TMEM114: variants seen among roughly 807,000 people sequenced by gnomAD.
TMEM114 encodes transmembrane protein 114.
TMEM114 carries 6 observed loss-of-function variants against 6.2 expected under a neutral mutation model. That is an observed-to-expected ratio of 0.97 (90% CI 0.53 to 1.91). TMEM114 has a LOEUF of 1.91. Among genes scored for constraint, TMEM114 ranks in the 40% most tolerant of loss-of-function variants. The pLI, the probability that TMEM114 is intolerant of heterozygous loss-of-function variation, is 0.01. For synonymous variants in TMEM114, 104 were observed against 73.0 expected (o/e 1.42, Z -2.16); for missense variants, 218 against 158.3 (o/e 1.38, Z -2.02).
intron 2 of TMEM114, among the ~76,000 whole-genome samples, chr16:8,549,425 AG>A (rs1226332001): frequency 2.0e-5 from 3 of 147,870 alleles, no homozygotes; most frequent in Non-Finnish European, 3.0e-5. Context: ...GCTTGAACCC[AG>A]GGGGCAGAGG....
intron 2 of TMEM114, among the ~76,000 whole-genome samples, chr16:8,581,900 T>G (rs1023941982): frequency 3.3e-5 from 5 of 152,234 alleles, no homozygotes; most frequent in African/African-American, 9.6e-5. Context: ...CTTCCCTGAC[T>G]GCCTGCAGCA....
At chr16:8,544,072 T>G (rs1205693564) in intron 2 of TMEM114, among the ~76,000 whole-genome samples, 1 of 152,206 alleles carries the variant, frequency 6.6e-6, no homozygotes, top group Non-Finnish European at 1.5e-5. Flanking sequence ...TAGGTTTTCT[T>G]TTTGTTGATA....
chr16:8,552,508 G>A (rs1336825367), intron 2 of TMEM114, among the ~76,000 whole-genome samples: 2 of 146,534 alleles, frequency 1.4e-5, no homozygotes, highest in Non-Finnish European at 3.0e-5. Flanking sequence ...GCACAAAACT[G>A]CACACACACA....
chr16:8,535,737 G>C (rs1340874649), downstream of TMEM114, among the ~76,000 whole-genome samples: 1 of 152,130 alleles, frequency 6.6e-6, no homozygotes, highest in African/African-American at 2.4e-5. Context: ...TTCTCATCAA[G>C]TCAAATAAAG....
chr16:8,538,214 A>G (rs2141645883), intron 2 of TMEM114, among the ~76,000 whole-genome samples: 1 of 150,356 alleles, frequency 6.7e-6, no homozygotes, highest in East Asian at 2.0e-4. Context: ...CTGAAGTAGG[A>G]GGATCACTGG....
chr16:8,530,651 AG>A, the TMEM114 span, among the ~76,000 whole-genome samples: 1 of 151,888 alleles, frequency 6.6e-6, no homozygotes, highest in Non-Finnish European at 1.5e-5. Flanking sequence ...GGACGGATGA[AG>A]AGAGGGAAGG....
downstream of TMEM114, among the ~76,000 whole-genome samples, chr16:8,568,514 G>A (rs74007857): frequency 6.9e-3 from 1,047 of 152,292 alleles, 11 homozygotes; most frequent in African/African-American, 0.024. Context: ...AATAGCACAG[G>A]TGCATAGAAA....
chr16:8,555,014 C>T (rs993497759), intron 2 of TMEM114, among the ~76,000 whole-genome samples: 1 of 152,192 alleles, frequency 6.6e-6, no homozygotes, highest in African/African-American at 2.4e-5. Context: ...GGTGAGGCAG[C>T]CTTCAGTACC....
chr16:8,546,129 T>C (rs567845834), intron 2 of TMEM114, among the ~76,000 whole-genome samples: 16 of 152,084 alleles, frequency 1.1e-4, no homozygotes, highest in Non-Finnish European at 1.9e-4. Flanking sequence ...AAAAAAGAAA[T>C]GTTCAAAATG....
chr16:8,566,046 A>G (rs1411984485), downstream of TMEM114, among the ~76,000 whole-genome samples: 4 of 152,226 alleles, frequency 2.6e-5, no homozygotes, highest in African/African-American at 7.2e-5. Context: ...AACCAATCCA[A>G]TGGATTAAAA....
At chr16:8,541,371 G>C (rs1161537721) in intron 2 of TMEM114, among the ~76,000 whole-genome samples, 1 of 152,002 alleles carries the variant, frequency 6.6e-6, no homozygotes, top group Non-Finnish European at 1.5e-5. Flanking sequence ...TAAGACCACA[G>C]ACATAAACCA....
intron 2 of TMEM114, among the ~76,000 whole-genome samples, chr16:8,576,995 A>T (rs1901960486): frequency 6.6e-6 from 1 of 152,236 alleles, no homozygotes; most frequent in Non-Finnish European, 1.5e-5. Context: ...ACATGATCAT[A>T]GACCTTCCAT....
intron 2 of TMEM114, among the ~76,000 whole-genome samples, chr16:8,552,519 C>G (rs960838941): frequency 3.9e-5 from 6 of 152,066 alleles, no homozygotes; most frequent in Non-Finnish European, 8.8e-5. Flanking sequence ...CACACACACA[C>G]ACACACACAC....
chr16:8,569,874 G>T lies in TMEM114; in HGVS notation c.571C>A (p.Leu191Met), dbSNP rs540963312. The T allele has an allele frequency of 2.9e-4, 456 of 1,551,194 alleles. No individual in the cohort carries two copies. Among genetic ancestry groups the T allele is most frequent in the Middle Eastern group, 1.0e-3 (6 of 5,992 alleles). The change falls in exon 4 of 4, where the codon CTG becomes ATG. Residue 191 changes from leucine to methionine, a missense_variant. Leu to Met is a conservative substitution (Grantham distance 15). Coordinates refer to ENST00000620492, the MANE Select transcript of TMEM114 (RefSeq NM_001146336.2). ...TCGGCGATGAAGCTGATCCAGCCCAGGGCCAGGGACCAGCCGAAGCTGATG... is the reference window on the plus strand; with the variant it reads ...TCGGCGATGAAGCTGATCCAGCCCATGGCCAGGGACCAGCCGAAGCTGATG... ...VDISFGWSLA[L>M]GWISFIAELL...
chr16:8,565,232 T>G (rs1021042066), downstream of TMEM114, among the ~76,000 whole-genome samples: 2 of 152,148 alleles, frequency 1.3e-5, no homozygotes, highest in African/African-American at 4.8e-5. Flanking sequence ...AGTGAATGAA[T>G]GAAGCATGGG....
the TMEM114 span, among the ~76,000 whole-genome samples, chr16:8,527,149 G>T: frequency 6.6e-6 from 1 of 152,228 alleles, no homozygotes; most frequent in African/African-American, 2.4e-5. Flanking sequence ...GGGGGTTGCA[G>T]TGAGCCAAGA....
At chr16:8,536,045 G>A (rs28445322), downstream of TMEM114, among the ~76,000 whole-genome samples, 13,359 of 152,038 alleles carry the variant, frequency 0.088, 642 homozygotes, top group East Asian at 0.16. Context: ...GTCCAACGTT[G>A]TGAAACCCCG....
chr16:8,540,146 A>G (rs1311860705), intron 2 of TMEM114, among the ~76,000 whole-genome samples: 1 of 152,204 alleles, frequency 6.6e-6, no homozygotes, highest in Non-Finnish European at 1.5e-5. Flanking sequence ...TTTAATAATA[A>G]GAATGTATTT....
At chr16:8,550,158 C>T (rs1340224019) in intron 2 of TMEM114, among the ~76,000 whole-genome samples, 1 of 152,206 alleles carries the variant, frequency 6.6e-6, no homozygotes, top group Non-Finnish European at 1.5e-5. Context: ...CTTCTGCCTG[C>T]TTTTTCTAGC....
Sources: gnomAD v4.1 joint callset for allele counts (sites outside exome capture counted in the v4.1 genomes callset) on GRCh38, gnomAD v4.1.1 for gene constraint, MANE v1.5 for transcripts, NCBI Gene and HGNC (gene_info 2026-07-23, HGNC 2026-07-21) for gene names.